PPP1R3B: variants seen among roughly 807,000 people sequenced by gnomAD.
The protein encoded by PPP1R3B is protein phosphatase 1 regulatory subunit 3B.
In PPP1R3B, 8 loss-of-function variants were observed where a neutral mutation model predicts 14.6. The observed-to-expected ratio is 0.55, with a 90% CI of 0.32 to 0.99. The LOEUF (loss-of-function observed/expected upper bound fraction) is 0.99, where lower values mean the gene tolerates loss of function less well. Ranked by LOEUF, PPP1R3B falls within the 50% of genes least tolerant of loss-of-function variation. The pLI is 0.04. For missense variants in PPP1R3B, 452 were observed against 360.1 expected (o/e 1.26, Z -2.07); for synonymous variants, 169 against 142.0 (o/e 1.19, Z -1.35).
intron 1 of PPP1R3B, among the ~76,000 whole-genome samples, chr8:9,146,012 G>A (rs567818505): frequency 7.2e-5 from 11 of 151,974 alleles, no homozygotes; most frequent in African/African-American, 2.7e-4. Flanking sequence ...TGGAACTACA[G>A]GTGTGCACCT....
In PPP1R3B at chr8:9,141,016, C is replaced by A; in HGVS notation, c.636G>T (p.Val212=). ...ACGTCTGTCCATTGCACTCGTAGTA[C>A]ACAGCAAACTCCATTCTTTCATAAG... is the stretch of plus-strand genomic sequence containing the variant. ...IQSYERMEFA[V]YYECNGQTYW... The change falls in exon 2 of 2, where the codon GTG becomes GTT. Residue 212 remains valine (V), a synonymous_variant. Transcript: ENST00000310455. 6.2e-7 allele frequency: 1 copy of A among 1,614,210 alleles called. No homozygotes were observed. The highest frequency in any genetic ancestry group is 8.5e-7 in the Non-Finnish European group (1 of 1,180,034).
In PPP1R3B at chr8:9,149,452, AG is replaced by A. The variant is rs556763533; in HGVS notation, c.-18+1110del. 4.1e-5 allele frequency among the ~76,000 whole-genome samples: 6 copies of A among 144,960 alleles called. No homozygotes were observed. In the South Asian group the frequency reaches 1.3e-3, roughly 32 times the overall value. On this transcript the variant is annotated intron_variant, in intron 1 of 1. Transcript: ENST00000310455. The stretch of plus-strand genomic sequence containing the variant: ...CGGGAGGCGGAGCTTACAATGAGCC[AG>A]AGATGGCGCCACTGCACTCCAGCCT...
chr8:9,140,486 T>C lies in PPP1R3B; in HGVS notation c.*308A>G. ...CAGAGGAGAGACTCCTCCAGCTTCA[T>C]CAGCACTGGCATAGGCTTGATTCCC... On this transcript the variant is annotated 3_prime_UTR_variant, in exon 2 of 2. Coordinates refer to ENST00000310455, the MANE Select transcript of PPP1R3B (RefSeq NM_024607.4). 1 of 381,898 alleles carries C rather than the reference T, an allele frequency of 2.6e-6. No individual in the cohort carries two copies. Among genetic ancestry groups the C allele is most frequent in the South Asian group, 3.5e-5 (1 of 28,788 alleles). The allele number at this position is 381,898 out of a possible 1,614,324, so 23.7% of individuals were successfully genotyped here. A position where few individuals can be genotyped will look rare whatever the true frequency, so the allele number is the denominator to read the frequency against.
chr8:9,147,741 G>A (rs961421389), intron 1 of PPP1R3B, among the ~76,000 whole-genome samples: 3 of 150,490 alleles, frequency 2.0e-5, no homozygotes, highest in African/African-American at 7.3e-5. Flanking sequence ...AGAACAAGCA[G>A]AAGTCCGGCT....
chr8:9,144,131 C>T (rs995459293), intron 1 of PPP1R3B, among the ~76,000 whole-genome samples: 1 of 149,716 alleles, frequency 6.7e-6, no homozygotes, highest in South Asian at 2.1e-4. Context: ...AAAACAATGT[C>T]TGTTTTTTAT....
intron 1 of PPP1R3B, among the ~76,000 whole-genome samples, chr8:9,148,867 T>TTC (rs771344539): frequency 1.3e-5 from 2 of 151,938 alleles, no homozygotes; most frequent in Non-Finnish European, 2.9e-5. Flanking sequence ...CATTCTCTTA[T>TTC]TCTCTCTCTC....
Position 9,140,146 on chromosome 8 carries a change from A to AT in PPP1R3B, c.*647_*648insA. On this transcript the variant is annotated 3_prime_UTR_variant, in exon 2 of 2. Transcript: ENST00000310455. ...AGCGGGAGGAGGAAATGCCTGTCTC[A>AT]ACCACTAACTAATTTGCCTTTATTA... 1 of 155,764 alleles carries AT rather than the reference A, an allele frequency of 6.4e-6. No homozygotes were observed. The highest frequency in any genetic ancestry group is 2.0e-4 in the South Asian group (1 of 5,108). 9.6% of individuals were successfully genotyped at this position (155,764 alleles called of 1,614,324 possible). A position where few individuals can be genotyped will look rare whatever the true frequency, so the allele number is the denominator to read the frequency against.
chr8:9,136,754 A>G lies in PPP1R3B; in HGVS notation c.*4040T>C, dbSNP rs1585333731. ...CTTCTTGTCTCCGATTTCAGTGAAC[A>G]TGTCAGGAGAGACGTGATCGGGACT... On this transcript the variant is annotated 3_prime_UTR_variant, in exon 2 of 2. Transcript: ENST00000310455. 1 of 152,226 alleles carries G rather than the reference A, an allele frequency of 6.6e-6. No homozygotes were observed. Among genetic ancestry groups the G allele is most frequent in the South Asian group, 2.1e-4 (1 of 4,836 alleles). 9.4% of individuals were successfully genotyped at this position (152,226 alleles called of 1,614,324 possible).
intron 1 of PPP1R3B, among the ~76,000 whole-genome samples, chr8:9,146,290 T>C (rs1187290862): frequency 2.6e-5 from 4 of 152,124 alleles, no homozygotes; most frequent in Admixed American, 2.0e-4. Context: ...CCCAAACCTA[T>C]CTCCCCTCAA....
chr8:9,140,709 C>T lies in PPP1R3B; in HGVS notation c.*85G>A. Reference sequence around the variant, plus strand: ...GCCTCATGGAAGTTCCACGTTGCTCCTCCCTGGCCTTCCATCTCCACTGCA... The same window carrying T: ...GCCTCATGGAAGTTCCACGTTGCTCTTCCCTGGCCTTCCATCTCCACTGCA... On this transcript the variant is annotated 3_prime_UTR_variant, in exon 2 of 2. Coordinates refer to ENST00000310455, the MANE Select transcript of PPP1R3B (RefSeq NM_024607.4). 2 of 1,442,296 alleles carry T rather than the reference C, an allele frequency of 1.4e-6. No homozygotes were observed. The highest frequency in any genetic ancestry group is 1.3e-5 in the South Asian group (1 of 76,410). The allele number at this position is 1,442,296 out of a possible 1,614,324, so 89.3% of individuals were successfully genotyped here. A position where few individuals can be genotyped will look rare whatever the true frequency, so the allele number is the denominator to read the frequency against.
chr8:9,142,005 A>T (rs1390796784), intron 1 of PPP1R3B, among the ~76,000 whole-genome samples: 5 of 152,226 alleles, frequency 3.3e-5, no homozygotes, highest in Admixed American at 6.5e-5. Flanking sequence ...GCCACAGAGG[A>T]TAATCAAAAG....
At position 9,141,176 on chromosome 8, in the gene PPP1R3B, G is replaced by T; in HGVS notation, c.476C>A (p.Thr159Asn). 3 of 1,614,138 alleles carry T rather than the reference G, an allele frequency of 1.9e-6. No homozygotes were observed. Among genetic ancestry groups the T allele is most frequent in the Non-Finnish European group, 2.5e-6 (3 of 1,180,034 alleles). The change falls in exon 2 of 2, where the codon ACC becomes AAC. Residue 159 changes from threonine (T) to asparagine (N), a missense_variant. By Grantham distance (65) the Thr-to-Asn change is moderately conservative (BLOSUM62 0). Coordinates refer to ENST00000310455, the MANE Select transcript of PPP1R3B (RefSeq NM_024607.4). ...GTCGAACGTCATCCTTATTTTCACG[G>T]TCTTCTCAAATGCGAGGTTCTGAAC... ...VKVQNLAFEK[T>N]VKIRMTFDTW...
At position 9,140,509 on chromosome 8, in the gene PPP1R3B, C is replaced by T. The variant is rs1031793836; in HGVS notation, c.*285G>A. On this transcript the variant is annotated 3_prime_UTR_variant, in exon 2 of 2. Transcript: ENST00000310455. Reference sequence around the variant, plus strand: ...CATCAGCACTGGCATAGGCTTGATTCCCATCCATACCCTTTCCAGCACAGA... The same window carrying T: ...CATCAGCACTGGCATAGGCTTGATTTCCATCCATACCCTTTCCAGCACAGA... 2 of 461,844 alleles carry T rather than the reference C, an allele frequency of 4.3e-6. No individual in the cohort carries two copies. Among genetic ancestry groups the T allele is most frequent in the South Asian group, 2.6e-5 (1 of 37,852 alleles). 28.6% of individuals were successfully genotyped at this position (461,844 alleles called of 1,614,324 possible).
chr8:9,150,397 A>G (rs938053427), intron 1 of PPP1R3B, among the ~76,000 whole-genome samples, 166 bp downstream of exon 1: 1 of 151,898 alleles, frequency 6.6e-6, no homozygotes, highest in African/African-American at 2.4e-5. Flanking sequence ...TGCCTTCCAC[A>G]CCCCTTTTTC....
In PPP1R3B at chr8:9,137,146, A is replaced by G. The variant is rs1427087295; in HGVS notation, c.*3648T>C. ...TTCTGGAGAACTGTACAGCTTCATTATTTCTCACCAGCTCCAGTAGAATAA... is the reference window on the plus strand; with the variant it reads ...TTCTGGAGAACTGTACAGCTTCATTGTTTCTCACCAGCTCCAGTAGAATAA... On this transcript the variant is annotated 3_prime_UTR_variant, in exon 2 of 2. Transcript: ENST00000310455. The G allele has an allele frequency of 6.6e-6, 1 of 152,158 alleles. No homozygotes were observed. Among genetic ancestry groups the G allele is most frequent in the Non-Finnish European group, 1.5e-5 (1 of 68,024 alleles). The allele number at this position is 152,158 out of a possible 1,614,324, so 9.4% of individuals were successfully genotyped here.
At chr8:9,148,494 C>T (rs899754047) in intron 1 of PPP1R3B, among the ~76,000 whole-genome samples, 5 of 152,118 alleles carry the variant, frequency 3.3e-5, no homozygotes, top group African/African-American at 1.2e-4. Context: ...AGTGCTGCTC[C>T]CAGGTAGGTA....
intron 1 of PPP1R3B, among the ~76,000 whole-genome samples, chr8:9,143,714 T>A (rs1258569961): frequency 6.6e-6 from 1 of 151,894 alleles, no homozygotes; most frequent in Non-Finnish European, 1.5e-5. Context: ...TAAAAATAAA[T>A]AAAATAAAAA....
At position 9,140,858 on chromosome 8, in the gene PPP1R3B, G is replaced by A. The variant is rs775657590; in HGVS notation, c.794C>T (p.Ser265Phe). The change falls in exon 2 of 2, where the codon TCC (serine) becomes TTC (phenylalanine). Residue 265 changes from serine to phenylalanine, a missense_variant. By Grantham distance (155) the Ser-to-Phe change is radical. Coordinates refer to ENST00000310455, the MANE Select transcript of PPP1R3B (RefSeq NM_024607.4). ...SFDQFGSPRCSYGLFPEWPSY... is the reference protein window; with the variant it reads ...SFDQFGSPRCFYGLFPEWPSY... Reference sequence around the variant, plus strand: ...TGGCCACTCTGGAAACAGACCATAGGAACACCGAGGGCTTCCGAACTGGTC... The same window carrying A: ...TGGCCACTCTGGAAACAGACCATAGAAACACCGAGGGCTTCCGAACTGGTC... 1.2e-6 allele frequency: 2 copies of A among 1,614,104 alleles called. No individual in the cohort carries two copies. The highest frequency in any genetic ancestry group is 1.7e-6 in the Non-Finnish European group (2 of 1,180,024).
In PPP1R3B at chr8:9,139,701, A is replaced by C. The variant is rs1231436011; in HGVS notation, c.*1093T>G. On this transcript the variant is annotated 3_prime_UTR_variant, in exon 2 of 2. Coordinates refer to ENST00000310455, the MANE Select transcript of PPP1R3B (RefSeq NM_024607.4). ...GTAGCTGGGACTACAGGCGCCCGCC[A>C]CCACGCCTGGCTAATTTTTTTGTAT... 1 of 152,174 alleles carries C rather than the reference A, an allele frequency of 6.6e-6. No individual in the cohort carries two copies. The highest frequency in any genetic ancestry group is 1.5e-5 in the Non-Finnish European group (1 of 68,058). The allele number at this position is 152,174 out of a possible 1,614,324, so 9.4% of individuals were successfully genotyped here. A position where few individuals can be genotyped will look rare whatever the true frequency, so the allele number is the denominator to read the frequency against.
Sources: gnomAD v4.1 joint callset for allele counts (sites outside exome capture counted in the v4.1 genomes callset) on GRCh38, gnomAD v4.1.1 for gene constraint, MANE v1.5 for transcripts, NCBI Gene and HGNC (gene_info 2026-07-23, HGNC 2026-07-21) for gene names.